IGF2BP3: variants seen among roughly 807,000 people sequenced by gnomAD.
IGF2BP3 encodes insulin-like growth factor 2 mRNA-binding protein 3.
In IGF2BP3, 9 loss-of-function variants were observed where a neutral mutation model predicts 73.8. The observed-to-expected ratio is 0.12, with a 90% confidence interval of 0.07 to 0.21. The LOEUF (loss-of-function observed/expected upper bound fraction) is 0.21. IGF2BP3 is among the 10% of genes least tolerant of loss of function. IGF2BP3 has a pLI of 1.00. For synonymous variants in IGF2BP3, 258 were observed against 256.7 expected (o/e 1.01, Z -0.05); for missense variants, 542 against 714.0 (o/e 0.76, Z 2.75).
intron 5 of IGF2BP3, among the ~76,000 whole-genome samples, chr7:23,358,196 A>G (rs749587542): frequency 2.6e-5 from 4 of 152,228 alleles, no homozygotes; most frequent in Admixed American, 2.6e-4. Flanking sequence ...GTCAGCTAGA[A>G]AAGTGGTGGC....
chr7:23,401,689 C>G (rs561691692), intron 3 of IGF2BP3, among the ~76,000 whole-genome samples: 1 of 152,170 alleles, frequency 6.6e-6, no homozygotes, highest in East Asian at 1.9e-4. Flanking sequence ...GGCTTGAACC[C>G]AGGAGGTAAA....
chr7:23,433,636 C>T (rs1171966263), intron 2 of IGF2BP3, among the ~76,000 whole-genome samples: 1 of 152,038 alleles, frequency 6.6e-6, no homozygotes, highest in African/African-American at 2.4e-5. Context: ...CACATCACCA[C>T]ACTGGGCCTT....
At chr7:23,327,316 T>A in intron 10 of IGF2BP3, among the ~76,000 whole-genome samples, 1 of 149,570 alleles carries the variant, frequency 6.7e-6, no homozygotes, top group Non-Finnish European at 1.5e-5. Context: ...AGTCTCGCTC[T>A]GTGGCCCAGG....
intron 3 of IGF2BP3, among the ~76,000 whole-genome samples, chr7:23,404,097 G>A (rs1013609151): frequency 1.3e-5 from 2 of 151,478 alleles, no homozygotes; most frequent in South Asian, 2.1e-4. Flanking sequence ...AGTCGTGATC[G>A]TGCCACCTGA....
intron 11 of IGF2BP3, chr7:23,317,915 G>A (rs938717967): frequency 3.9e-5 from 22 of 570,232 alleles, no homozygotes; most frequent in South Asian, 1.1e-4. Flanking sequence ...ATTCTGTGCC[G>A]GGCCCTAATG....
At chr7:23,399,956 T>C (rs191748891) in intron 3 of IGF2BP3, among the ~76,000 whole-genome samples, 1 of 152,306 alleles carries the variant, frequency 6.6e-6, no homozygotes, top group Admixed American at 6.5e-5. Context: ...TGAGCCAGTT[T>C]TTTTTTCCCC....
chr7:23,334,057 C>T (rs1311952081), intron 10 of IGF2BP3, among the ~76,000 whole-genome samples: 1 of 152,072 alleles, frequency 6.6e-6, no homozygotes, highest in Non-Finnish European at 1.5e-5. Flanking sequence ...AGCCATGAGC[C>T]GGGTGCTGTG....
intron 3 of IGF2BP3, chr7:23,362,537 G>C (rs922904309): frequency 6.6e-6 from 1 of 152,150 alleles, no homozygotes; most frequent in African/African-American, 2.4e-5. Flanking sequence ...CATCTTTCCT[G>C]TAGCTGTATT....
chr7:23,381,408 G>T (rs1785906512), intron 3 of IGF2BP3, among the ~76,000 whole-genome samples: 1 of 152,174 alleles, frequency 6.6e-6, no homozygotes, highest in South Asian at 2.1e-4. Context: ...TCACCACCTT[G>T]TAAGGAAAAT....
chr7:23,451,461 G>GT (rs1374272254), intron 2 of IGF2BP3, among the ~76,000 whole-genome samples: 3 of 152,056 alleles, frequency 2.0e-5, no homozygotes, highest in Non-Finnish European at 4.4e-5. Flanking sequence ...CATGTAATGG[G>GT]TTTTTTATAA....
At chr7:23,345,250 T>G (rs1562688392) in intron 8 of IGF2BP3, among the ~76,000 whole-genome samples, 1 of 152,232 alleles carries the variant, frequency 6.6e-6, no homozygotes, top group Non-Finnish European at 1.5e-5. Flanking sequence ...CCACAGATTC[T>G]AAGTGTGGTA....
intron 2 of IGF2BP3, among the ~76,000 whole-genome samples, chr7:23,427,291 G>C (rs533780903): frequency 6.6e-6 from 1 of 152,270 alleles, no homozygotes; most frequent in African/African-American, 2.4e-5. Context: ...GGCATTCCGT[G>C]AATTTCTTGG....
chr7:23,431,549 G>A (rs1193675832), intron 2 of IGF2BP3, among the ~76,000 whole-genome samples: 1 of 151,896 alleles, frequency 6.6e-6, no homozygotes, highest in African/African-American at 2.4e-5. Context: ...ATTAACAGAG[G>A]GTCACAGGTA....
chr7:23,359,233 C>T (rs1785167076), intron 5 of IGF2BP3, among the ~76,000 whole-genome samples: 1 of 152,136 alleles, frequency 6.6e-6, no homozygotes, highest in South Asian at 2.1e-4. Context: ...AGCCAGTCTA[C>T]CTTTCCTGTG....
intron 3 of IGF2BP3, among the ~76,000 whole-genome samples, chr7:23,367,935 G>T (rs570617033): frequency 6.6e-6 from 1 of 152,202 alleles, no homozygotes; most frequent in Non-Finnish European, 1.5e-5. Flanking sequence ...GGGAGGCAGA[G>T]GTTGCAGTGA....
intron 2 of IGF2BP3, among the ~76,000 whole-genome samples, chr7:23,443,189 G>A (rs1047905474): frequency 7.1e-6 from 1 of 141,830 alleles, no homozygotes; most frequent in African/African-American, 2.7e-5. Flanking sequence ...GCAGTGGTGC[G>A]ATCTCGGCTC....
rs1783820176 is a variant in IGF2BP3, at chr7:23,311,275, C to T, written c.*1087G>A. The stretch of plus-strand genomic sequence containing the variant: ...GTCTGAAGTGTAGTGGCAAACTAAG[C>T]ATCCTATAAGACAAGCTAAAGCTTG... On this transcript the variant is annotated 3_prime_UTR_variant, in exon 15 of 15. Coordinates refer to ENST00000258729, the MANE Select transcript of IGF2BP3 (RefSeq NM_006547.3). 6.6e-6 allele frequency: 1 copy of T among 152,524 alleles called. No homozygotes were observed. The highest frequency in any genetic ancestry group is 6.5e-5 in the Admixed American group (1 of 15,270). 9.4% of individuals were successfully genotyped at this position (152,524 alleles called of 1,614,324 possible). A position where few individuals can be genotyped will look rare whatever the true frequency, so the allele number is the denominator to read the frequency against.
intron 2 of IGF2BP3, among the ~76,000 whole-genome samples, chr7:23,444,294 TA>T (rs1221745447): frequency 6.6e-6 from 1 of 152,132 alleles, no homozygotes; most frequent in African/African-American, 2.4e-5. Flanking sequence ...AATATCCTAT[TA>T]ATGACAAGAT....
chr7:23,384,746 C>A (rs1369233502), intron 3 of IGF2BP3, among the ~76,000 whole-genome samples: 1 of 152,042 alleles, frequency 6.6e-6, no homozygotes, highest in Non-Finnish European at 1.5e-5. Context: ...CAAAAATTAG[C>A]TGGGTGTGGT....
Sources: allele counts gnomAD v4.1 joint callset (sites outside exome capture counted in the v4.1 genomes callset), GRCh38; gene constraint gnomAD v4.1.1; transcripts MANE v1.5; gene names NCBI Gene and HGNC (gene_info 2026-07-23, HGNC 2026-07-21).